The following SRGAP1 variants were observed in gnomAD, a reference collection of about 807,000 sequenced individuals.
SRGAP1 encodes SLIT-ROBO Rho GTPase-activating protein 1.
In SRGAP1, 43 loss-of-function variants were observed where a neutral mutation model predicts 121.9. The observed-to-expected ratio is 0.35, with a 90% CI of 0.28 to 0.46. SRGAP1 has a LOEUF of 0.46. SRGAP1 is among the 20% of genes least tolerant of loss of function. SRGAP1 has a pLI of 1.00. For synonymous variants in SRGAP1, 447 were observed against 485.4 expected (o/e 0.92, Z 1.04); for missense variants, 1,102 against 1,350.9 (o/e 0.82, Z 2.89).
At chr12:64,098,831 G>T (rs1350132017) in intron 15 of SRGAP1, among the ~76,000 whole-genome samples, 1 of 152,068 alleles carries the variant, frequency 6.6e-6, no homozygotes, top group African/African-American at 2.4e-5. Context: ...CATATGCTGG[G>T]CCATTTCCCA....
intron 11 of SRGAP1, among the ~76,000 whole-genome samples, chr12:64,088,391 A>C (rs927640262): frequency 1.3e-5 from 2 of 152,248 alleles, no homozygotes; most frequent in Non-Finnish European, 2.9e-5. Flanking sequence ...GGCACTTCAA[A>C]AAAAGAGATT....
intron 1 of SRGAP1, among the ~76,000 whole-genome samples, chr12:63,936,012 G>A (rs2031649269): frequency 6.6e-6 from 1 of 152,156 alleles, no homozygotes; most frequent in Non-Finnish European, 1.5e-5. Context: ...AAGTTTAATA[G>A]TGGTTATCTC....
At chr12:64,108,726 A>G (rs1440948169) in intron 15 of SRGAP1, 16 of 374,476 alleles carry the variant, frequency 4.3e-5, no homozygotes, top group African/African-American at 8.3e-5. Flanking sequence ...AAATCGGAGA[A>G]AACGGTAAGG....
chr12:64,019,924 T>C (rs2034501930), intron 4 of SRGAP1, among the ~76,000 whole-genome samples: 1 of 152,234 alleles, frequency 6.6e-6, no homozygotes, highest in African/African-American at 2.4e-5. Flanking sequence ...TTTTTAATTG[T>C]CTTTTCTGGC....
chr12:64,160,274 A>T lies in SRGAP1; in HGVS notation c.*17602A>T, dbSNP rs945827684. 1 of 152,242 alleles carries T rather than the reference A, an allele frequency of 6.6e-6. No homozygotes were observed. The highest frequency in any genetic ancestry group is 1.5e-5 in the Non-Finnish European group (1 of 68,046). The allele number at this position is 152,242 out of a possible 1,614,324, so 9.4% of individuals were successfully genotyped here. A position where few individuals can be genotyped will look rare whatever the true frequency, so the allele number is the denominator to read the frequency against. ...GCTAGTCATGACTGACCTAGATTTAACACAGTATATCCTTAATCAGCTTCC... is the reference window on the plus strand; with the variant it reads ...GCTAGTCATGACTGACCTAGATTTATCACAGTATATCCTTAATCAGCTTCC... On this transcript the variant is annotated 3_prime_UTR_variant, in exon 22 of 22. Coordinates refer to ENST00000355086, the MANE Select transcript of SRGAP1 (RefSeq NM_020762.4).
chr12:64,095,521 C>T (rs1243593377), intron 14 of SRGAP1, among the ~76,000 whole-genome samples: 1 of 152,120 alleles, frequency 6.6e-6, no homozygotes, highest in Non-Finnish European at 1.5e-5. Flanking sequence ...GCCTAGACAG[C>T]AGGTGAGGGA....
At chr12:63,872,244 G>C (rs1368205633) in intron 1 of SRGAP1, among the ~76,000 whole-genome samples, 1 of 152,104 alleles carries the variant, frequency 6.6e-6, no homozygotes, top group African/African-American at 2.4e-5. Context: ...ATAGTTATAT[G>C]GGAACTACAA....
chr12:64,085,546 T>G (rs2035921986), intron 10 of SRGAP1, among the ~76,000 whole-genome samples: 1 of 152,134 alleles, frequency 6.6e-6, no homozygotes, highest in Non-Finnish European at 1.5e-5. Context: ...GCCCTGTCTT[T>G]TCTCTGTGCT....
intron 1 of SRGAP1, among the ~76,000 whole-genome samples, chr12:63,959,091 AC>A (rs1305295042): frequency 1.3e-5 from 2 of 152,142 alleles, no homozygotes; most frequent in Non-Finnish European, 1.5e-5. Flanking sequence ...TCAAAACATG[AC>A]CCTAGCAAGA....
At chr12:63,954,151 G>A (rs528614113) in intron 1 of SRGAP1, among the ~76,000 whole-genome samples, 1 of 152,216 alleles carries the variant, frequency 6.6e-6, no homozygotes, top group South Asian at 2.1e-4. Flanking sequence ...TTTGAAAGTA[G>A]CTCCATAGGA....
intron 1 of SRGAP1, among the ~76,000 whole-genome samples, chr12:63,922,403 T>G (rs981278470): frequency 6.6e-6 from 1 of 152,264 alleles, no homozygotes; most frequent in East Asian, 1.9e-4. Context: ...AGAAGGCATT[T>G]CAGTAGCATT....
intron 1 of SRGAP1, among the ~76,000 whole-genome samples, chr12:63,904,806 A>T (rs1319365345): frequency 2.0e-5 from 3 of 152,042 alleles, no homozygotes; most frequent in African/African-American, 7.2e-5. Context: ...ATAATGGTAC[A>T]TGCCTCTGGT....
At chr12:64,128,763 G>A (rs1378886525) in intron 21 of SRGAP1, among the ~76,000 whole-genome samples, 3 of 152,200 alleles carry the variant, frequency 2.0e-5, no homozygotes, top group Non-Finnish European at 4.4e-5. Context: ...ATAATAGATA[G>A]ATATTTGAAG....
intron 3 of SRGAP1, among the ~76,000 whole-genome samples, chr12:63,992,559 G>A (rs2136421298): frequency 6.6e-6 from 1 of 152,112 alleles, no homozygotes; most frequent in East Asian, 1.9e-4. Flanking sequence ...TTCCCAGAGA[G>A]GGATCAGCTC....
At chr12:63,948,640 A>G (rs1007423545) in intron 1 of SRGAP1, among the ~76,000 whole-genome samples, 7 of 151,720 alleles carry the variant, frequency 4.6e-5, no homozygotes, top group African/African-American at 1.7e-4. Context: ...GCCATGTTGT[A>G]CCTATTTTTA....
At chr12:64,091,212 C>T in intron 11 of SRGAP1, 64 bp from the exon 12 acceptor site, 1 of 1,204,524 alleles carries the variant, frequency 8.3e-7, no homozygotes, top group Non-Finnish European at 1.2e-6. Flanking sequence ...TTGATGTGAC[C>T]TATAGATGTT....
At chr12:64,060,162 A>G (rs1233997052) in intron 6 of SRGAP1, among the ~76,000 whole-genome samples, 2 of 122,372 alleles carry the variant, frequency 1.6e-5, no homozygotes, top group Non-Finnish European at 3.6e-5. Flanking sequence ...CCTTCCTTCC[A>G]TCCTTCCTTC....
At chr12:64,068,039 G>A (rs1215285143) in intron 8 of SRGAP1, among the ~76,000 whole-genome samples, 5 of 152,170 alleles carry the variant, frequency 3.3e-5, no homozygotes, top group African/African-American at 1.2e-4. Flanking sequence ...GTCACTTTGG[G>A]AGATCAAGGC....
intron 18 of SRGAP1, among the ~76,000 whole-genome samples, chr12:64,125,725 A>T (rs1373887480): frequency 1.3e-5 from 2 of 152,278 alleles, no homozygotes; most frequent in East Asian, 1.9e-4. Flanking sequence ...CTCTAGTAAG[A>T]GGCTGTGGAA....
Sources: gnomAD v4.1 joint callset for allele counts (sites outside exome capture counted in the v4.1 genomes callset) on GRCh38, gnomAD v4.1.1 for gene constraint, MANE v1.5 for transcripts, NCBI Gene and HGNC (gene_info 2026-07-23, HGNC 2026-07-21) for gene names.